SLC17A8: variants seen among roughly 807,000 people sequenced by gnomAD.
SLC17A8 encodes solute carrier family 17 member 8, also known as vesicular glutamate transporter 3.
Under a neutral mutation model 58.0 loss-of-function variants are expected in SLC17A8, and 31 were observed. The observed-to-expected ratio is 0.53, with a 90% CI of 0.40 to 0.72. SLC17A8 has a LOEUF of 0.72. SLC17A8 is among the 30% of genes least tolerant of loss of function. SLC17A8 has a pLI of 0.00. For missense variants in SLC17A8, 655 were observed against 727.8 expected, an observed-to-expected ratio of 0.90 and a Z score of 1.15; for synonymous variants, 228 against 249.0, an observed-to-expected ratio of 0.92 and a Z score of 0.79.
chr12:100,404,663 C>T (rs574045401), intron 9 of SLC17A8, among the ~76,000 whole-genome samples: 1 of 152,240 alleles, frequency 6.6e-6, no homozygotes, highest in South Asian at 2.1e-4. Flanking sequence ...TTCATGAGTG[C>T]TTTTTAAAAA....
intron 9 of SLC17A8, among the ~76,000 whole-genome samples, chr12:100,408,767 A>T (rs1952844422): frequency 6.6e-6 from 1 of 152,180 alleles, no homozygotes; most frequent in East Asian, 1.9e-4. Flanking sequence ...CAGAGTGTAA[A>T]AATAAAAGAA....
chr12:100,402,266 TG>T, intron 6 of SLC17A8, 73 bp from the exon 7 acceptor site: 1 of 1,552,618 alleles, frequency 6.4e-7, no homozygotes. Context: ...AAAATATATA[TG>T]GTAAAAATTG....
Position 100,401,656 on chromosome 12 carries a change from C to T in SLC17A8, c.677-121C>T, listed in dbSNP as rs80294714. On this transcript the variant is annotated intron_variant, in intron 5 of 11. Transcript: ENST00000323346. ...CACTGGGAGTTTGCCTGTCTCTGCA[C>T]GGAGGCAGTCTGATTCCTGCTCAGT... is the stretch of plus-strand genomic sequence containing the variant. 2,168 of 849,796 alleles carry T rather than the reference C, an allele frequency of 2.6e-3. 5 individuals carry two copies. The highest frequency in any genetic ancestry group is 7.6e-3 in the African/African-American group (461 of 60,392). The allele number at this position is 849,796 out of a possible 1,614,324, so 52.6% of individuals were successfully genotyped here. A position where few individuals can be genotyped will look rare whatever the true frequency, so the allele number is the denominator to read the frequency against.
chr12:100,402,258 A>AT, intron 6 of SLC17A8, 82 bp from the exon 7 acceptor site: 1 of 1,534,888 alleles, frequency 6.5e-7, no homozygotes, highest in South Asian at 1.2e-5. Context: ...ACCTGAAAAA[A>AT]ATATATATGG....
chr12:100,388,699 G>C (rs981893845), intron 2 of SLC17A8, among the ~76,000 whole-genome samples: 3 of 152,200 alleles, frequency 2.0e-5, no homozygotes, highest in African/African-American at 7.2e-5. Flanking sequence ...GTAATAACTT[G>C]TGACAGGAAA....
rs1952937196 is a variant in SLC17A8, at chr12:100,420,029, C to T, written c.1640C>T (p.Ser547Phe). 2 of 1,614,010 alleles carry T rather than the reference C, an allele frequency of 1.2e-6. No individual in the cohort carries two copies. The highest frequency in any genetic ancestry group is 8.5e-7 in the Non-Finnish European group (1 of 1,179,956). Residue 547 changes from serine to phenylalanine, a missense_variant, in exon 12 of 12, where the codon TCT becomes TTT. By Grantham distance (155) the Ser-to-Phe change is radical. Transcript: ENST00000323346. ...TTTGCGAGTCCCAAAAAGAAGATGTCTTATGGAGCCACCTCCCAGAATTGT... is the reference window on the plus strand; with the variant it reads ...TTTGCGAGTCCCAAAAAGAAGATGTTTTATGGAGCCACCTCCCAGAATTGT... Reference protein sequence around the residue: ...ESFASPKKKMSYGATSQNCEV... With the variant: ...ESFASPKKKMFYGATSQNCEV...
Position 100,393,487 on chromosome 12 carries a change from G to T in SLC17A8, c.588+4G>T, listed in dbSNP as rs1424623650. 1 of 1,601,034 alleles carries T rather than the reference G, an allele frequency of 6.2e-7. No individual in the cohort carries two copies. The highest frequency in any genetic ancestry group is 2.2e-5 in the East Asian group (1 of 44,756). ...AATTCTGCAAGGTTTAGTGGAGGTA[G>T]GAGATACTTTCCTTACAGTTTTTGA... On this transcript the variant is annotated splice_donor_region_variant and intron_variant, in intron 4 of 11. Transcript: ENST00000323346.
intron 3 of SLC17A8, among the ~76,000 whole-genome samples, chr12:100,391,593 C>A (rs888388859): frequency 3.9e-5 from 6 of 152,234 alleles, no homozygotes; most frequent in African/African-American, 1.2e-4. Context: ...GCGTGTGAGA[C>A]ACCAGCGCCC....
intron 1 of SLC17A8, among the ~76,000 whole-genome samples, chr12:100,378,362 A>C (rs1179630802): frequency 6.6e-6 from 1 of 152,144 alleles, no homozygotes; most frequent in African/African-American, 2.4e-5. Flanking sequence ...AGCCATGAGG[A>C]GGGCATTGAT....
chr12:100,402,195 G>A (rs1019179122), intron 6 of SLC17A8, 145 bp from the exon 7 acceptor site: 1 of 802,826 alleles, frequency 1.2e-6, no homozygotes, highest in South Asian at 1.7e-5. Flanking sequence ...GTGCATGTAT[G>A]AGATGTCTGA....
rs78430226 is a variant in SLC17A8, at chr12:100,379,032, C to G, written c.102-1669C>G. Among the ~76,000 whole-genome samples the G allele has an allele frequency of 4.6e-5, 7 of 152,278 alleles. No individual in the cohort carries two copies. The East Asian group carries it at 1.4e-3, about 29-fold the overall frequency. ...GTCTATTGCTCCCCAATACTTAGCC[C>G]AGTACCTGAGACACAGTAGGCGCTC... On this transcript the variant is annotated intron_variant, in intron 1 of 11. Transcript: ENST00000323346.
At chr12:100,381,828 G>A (rs1354936060) in intron 2 of SLC17A8, among the ~76,000 whole-genome samples, 1 of 152,160 alleles carries the variant, frequency 6.6e-6, no homozygotes, top group Non-Finnish European at 1.5e-5. Flanking sequence ...TAGTACATCA[G>A]TGACAAAATC....
intron 11 of SLC17A8, among the ~76,000 whole-genome samples, chr12:100,418,566 T>G (rs542240388): frequency 6.6e-6 from 1 of 152,366 alleles, no homozygotes; most frequent in African/African-American, 2.4e-5. Context: ...ATGAGTGCTA[T>G]TCTACTTCCT....
chr12:100,416,305 C>T (rs972020471), intron 10 of SLC17A8, among the ~76,000 whole-genome samples: 5 of 152,332 alleles, frequency 3.3e-5, no homozygotes, highest in African/African-American at 1.2e-4. Flanking sequence ...TTAATTGCTT[C>T]TTATCTCTGG....
intron 1 of SLC17A8, among the ~76,000 whole-genome samples, chr12:100,360,953 C>T (rs1952480431): frequency 6.6e-6 from 1 of 152,212 alleles, no homozygotes; most frequent in South Asian, 2.1e-4. Flanking sequence ...TGTCTATCTT[C>T]CCTTTAAATG....
rs140126913 is a variant in SLC17A8 at position 100,405,021 on chromosome 12, C to A, written c.1186+851C>A. 7.9e-5 allele frequency among the ~76,000 whole-genome samples: 12 copies of A among 152,306 alleles called. No homozygotes were observed. The East Asian group carries it at 2.3e-3, about 29-fold the overall frequency. ...AACTGTGATATTAAGTTGAAAGGGA[C>A]GGATTGCGTATGCTCTGACAGATAG... On this transcript the variant is annotated intron_variant, in intron 9 of 11. Transcript: ENST00000323346.
intron 2 of SLC17A8, among the ~76,000 whole-genome samples, chr12:100,382,828 A>C (rs1329540618): frequency 6.6e-6 from 1 of 152,180 alleles, no homozygotes; most frequent in Non-Finnish European, 1.5e-5. Flanking sequence ...CTGGTTTGAG[A>C]AAATTTGATT....
chr12:100,384,859 C>T (rs943833783), intron 2 of SLC17A8, among the ~76,000 whole-genome samples: 1 of 152,182 alleles, frequency 6.6e-6, no homozygotes, highest in African/African-American at 2.4e-5. Context: ...CTCCAGCTTG[C>T]TTGCCCCACA....
At chr12:100,406,379 A>G (rs1452475725) in intron 9 of SLC17A8, among the ~76,000 whole-genome samples, 1 of 152,098 alleles carries the variant, frequency 6.6e-6, no homozygotes, top group Non-Finnish European at 1.5e-5. Flanking sequence ...GTGAGAATAG[A>G]AGGAAGGGGA....
Sources: gnomAD v4.1 joint callset for allele counts (sites outside exome capture counted in the v4.1 genomes callset) on GRCh38, gnomAD v4.1.1 for gene constraint, MANE v1.5 for transcripts, NCBI Gene and HGNC (gene_info 2026-07-23, HGNC 2026-07-21) for gene names.